Variants in UGT1A4 observed in about 807,000 individuals in gnomAD.
UGT1A4 encodes the protein UDP-glucuronosyltransferase 1A4.
In UGT1A4, 32 loss-of-function variants were observed where a neutral mutation model predicts 41.1. That is an observed-to-expected ratio of 0.78 (90% confidence interval 0.59 to 1.05). The LOEUF (loss-of-function observed/expected upper bound fraction) is 1.05, where lower values mean the gene tolerates loss of function less well. Ranked by LOEUF, UGT1A4 falls within the 50% of genes least tolerant of loss-of-function variation. The pLI, the probability that UGT1A4 is intolerant of heterozygous loss-of-function variation, is 0.00. For missense variants in UGT1A4, 748 were observed against 677.4 expected (o/e 1.10, Z -1.16); for synonymous variants, 283 against 265.1 (o/e 1.07, Z -0.66).
intron 1 of UGT1A4, among the ~76,000 whole-genome samples, chr2:233,756,939 C>G (rs1402557459): frequency 1.3e-5 from 2 of 151,990 alleles, no homozygotes; most frequent in African/African-American, 4.8e-5. Flanking sequence ...GTTACATAAC[C>G]TGAAACCCGG....
chr2:233,726,672 G>T (rs1443566236), intron 1 of UGT1A4, among the ~76,000 whole-genome samples: 1 of 152,112 alleles, frequency 6.6e-6, no homozygotes, highest in Non-Finnish European at 1.5e-5. Context: ...TATCTGTGAA[G>T]TCTCTTCCAC....
Position 233,726,984 on chromosome 2 carries a change from G to A in UGT1A4, c.867+7297G>A, listed in dbSNP as rs570702921. Among the ~76,000 whole-genome samples, 9 of 152,176 alleles carry A rather than the reference G, an allele frequency of 5.9e-5. No individual in the cohort carries two copies. The East Asian group carries it at 1.2e-3, about 20-fold the overall frequency. ...GAGCAAAAGTTTTAGATTTTGATGA[G>A]GTTCTTTCTAGCAAAGTTTTATCAT... On this transcript the variant is annotated intron_variant, in intron 1 of 4. Transcript: ENST00000373409.
intron 1 of UGT1A4, among the ~76,000 whole-genome samples, chr2:233,765,768 G>T (rs35640782): frequency 0.021 from 3,251 of 152,014 alleles, 121 homozygotes; most frequent in African/African-American, 0.073. Flanking sequence ...ATTCTTGGGG[G>T]ATTCATTGGA....
At chr2:233,735,331 C>A (rs2078638880) in intron 1 of UGT1A4, among the ~76,000 whole-genome samples, 1 of 152,064 alleles carries the variant, frequency 6.6e-6, no homozygotes, top group Non-Finnish European at 1.5e-5. Context: ...AGGATTGCAA[C>A]CCCTGCTTTT....
In UGT1A4 at chr2:233,719,597, G is replaced by C; in HGVS notation, c.777G>C (p.Gly259=). The C allele has an allele frequency of 1.9e-6, 3 of 1,613,960 alleles. No individual in the cohort carries two copies. The highest frequency in any genetic ancestry group is 2.5e-6 in the Non-Finnish European group (3 of 1,179,912). ...ATGCATCCGTGTGGCTGTTCCGAGG[G>C]GACTTTGTGATGGACTACCCCAGGC... is the stretch of plus-strand genomic sequence containing the variant. ...VSYASVWLFR[G]DFVMDYPRPI... Residue 259 remains glycine (G), a synonymous_variant, in exon 1 of 5, where the codon GGG becomes GGC. Transcript: ENST00000373409.
At chr2:233,748,187 T>C (rs919383057) in intron 1 of UGT1A4, 2 of 1,565,066 alleles carry the variant, frequency 1.3e-6, no homozygotes, top group African/African-American at 2.7e-5. Flanking sequence ...GGTGCTTTTA[T>C]TTCTGCTTGT....
At chr2:233,761,217 A>G (rs1266306783) in intron 1 of UGT1A4, 2 of 1,613,598 alleles carry the variant, frequency 1.2e-6, no homozygotes, top group Non-Finnish European at 1.7e-6. Flanking sequence ...GGATCGATTA[A>G]CTAGCCCCAG....
At chr2:233,736,562 G>T (rs1300440200) in intron 1 of UGT1A4, among the ~76,000 whole-genome samples, 1 of 152,158 alleles carries the variant, frequency 6.6e-6, no homozygotes, top group Non-Finnish European at 1.5e-5. Context: ...TGCTAGCAAG[G>T]AGCTGTGATC....
chr2:233,772,602 G>A lies in UGT1A4; in HGVS notation c.*43G>A. 6.3e-7 allele frequency: 1 copy of A among 1,589,502 alleles called. No individual in the cohort carries two copies. Among genetic ancestry groups the A allele is most frequent in the Non-Finnish European group, 8.6e-7 (1 of 1,167,066 alleles). On this transcript the variant is annotated 3_prime_UTR_variant, in exon 5 of 5. Transcript: ENST00000373409. The stretch of plus-strand genomic sequence containing the variant: ...AGGTAAAATTTTGAACCATTCCCTA[G>A]TCATTTCCAAACTTGAAAACAGAAT...
intron 1 of UGT1A4, among the ~76,000 whole-genome samples, chr2:233,732,156 ATTTG>A: frequency 6.6e-6 from 1 of 152,010 alleles, no homozygotes; most frequent in Non-Finnish European, 1.5e-5. Context: ...TTTCTTGTAA[ATTTG>A]TTTGAGTTCT....
At chr2:233,738,659 C>A (rs562004619) in intron 1 of UGT1A4, among the ~76,000 whole-genome samples, 17 of 152,190 alleles carry the variant, frequency 1.1e-4, no homozygotes, top group Admixed American at 4.6e-4. Flanking sequence ...GAACTACGAA[C>A]TTGAGAGAGA....
chr2:233,739,980 C>T (rs1169628941), intron 1 of UGT1A4, among the ~76,000 whole-genome samples: 1 of 151,792 alleles, frequency 6.6e-6, no homozygotes, highest in Non-Finnish European at 1.5e-5. Flanking sequence ...GGCAGTTTTC[C>T]CCATGCTGTT....
At chr2:233,729,474 G>C (rs1258880128) in intron 1 of UGT1A4, 53 of 1,614,092 alleles carry the variant, frequency 3.3e-5, no homozygotes, top group Non-Finnish European at 4.2e-5. Flanking sequence ...GTATGGCAAT[G>C]TTGAACAATA....
At chr2:233,737,917 T>TG (rs1690633729) in intron 1 of UGT1A4, among the ~76,000 whole-genome samples, 4 of 152,026 alleles carry the variant, frequency 2.6e-5, no homozygotes, top group African/African-American at 4.8e-5. Flanking sequence ...AACAGGCTAG[T>TG]GTATTTAGTA....
At chr2:233,725,483 GCAAAAAGAAACCA>G (rs2077451609) in intron 1 of UGT1A4, among the ~76,000 whole-genome samples, 1 of 151,876 alleles carries the variant, frequency 6.6e-6, no homozygotes, top group Admixed American at 6.6e-5. Flanking sequence ...TTAGAAACCA[GCAAAAAGAAACCA>G]CTGAAATTAA....
At chr2:233,771,290 T>C (rs1700276789) in intron 4 of UGT1A4, 1 of 152,250 alleles carries the variant, frequency 6.6e-6, no homozygotes, top group African/African-American at 2.4e-5. Context: ...CCTTTTCTTT[T>C]CTACTTCCTC....
chr2:233,760,254 G>C (rs1697373006), intron 1 of UGT1A4: 2 of 1,610,464 alleles, frequency 1.2e-6, no homozygotes, highest in South Asian at 2.2e-5. Flanking sequence ...ATATAAGTAG[G>C]AGAGGGCGAA....
intron 1 of UGT1A4, among the ~76,000 whole-genome samples, chr2:233,756,947 C>T (rs1471730406): frequency 2.6e-5 from 4 of 152,070 alleles, no homozygotes; most frequent in East Asian, 1.9e-4. Context: ...ACCTGAAACC[C>T]GGACTTGGCA....
rs1049544264 is a variant in UGT1A4 at position 233,721,928 on chromosome 2, T to C, written c.867+2241T>C. 6 of 384,478 alleles carry C rather than the reference T, an allele frequency of 1.6e-5. No homozygotes were observed. The East Asian group carries it at 4.4e-4, about 28-fold the overall frequency. The allele number at this position is 384,478 out of a possible 1,614,324, so 23.8% of individuals were successfully genotyped here. A position where few individuals can be genotyped will look rare whatever the true frequency, so the allele number is the denominator to read the frequency against. ...TGCACACTGCTTCCATAAAGTGACATCCTTCAGACACTTGGTGGCTCTTTG... is the reference window on the plus strand; with the variant it reads ...TGCACACTGCTTCCATAAAGTGACACCCTTCAGACACTTGGTGGCTCTTTG... On this transcript the variant is annotated intron_variant, in intron 1 of 4. Transcript: ENST00000373409.
Sources: gnomAD v4.1 joint callset for allele counts (sites outside exome capture counted in the v4.1 genomes callset) on GRCh38, gnomAD v4.1.1 for gene constraint, MANE v1.5 for transcripts, NCBI Gene and HGNC (gene_info 2026-07-23, HGNC 2026-07-21) for gene names.